The following RAP1GDS1 variants were observed in gnomAD, a reference collection of about 807,000 sequenced individuals.
RAP1GDS1 encodes Rap1 GTPase-GDP dissociation stimulator 1, also known as RAP1, GTP-GDP dissociation stimulator 1.
RAP1GDS1 carries 35 observed loss-of-function variants against 71.1 expected under a neutral mutation model. The ratio of observed to expected loss-of-function variants is 0.49; its 90% CI spans 0.38 to 0.65. RAP1GDS1 has a LOEUF of 0.65. Ranked by LOEUF, RAP1GDS1 falls within the 30% of genes least tolerant of loss-of-function variation. RAP1GDS1 has a pLI of 0.00. For synonymous variants in RAP1GDS1, 229 were observed against 243.1 expected (o/e 0.94, Z 0.54); for missense variants, 663 against 706.1 (o/e 0.94, Z 0.69).
intron 7 of RAP1GDS1, among the ~76,000 whole-genome samples, chr4:98,415,501 T>C (rs75319858): frequency 0.14 from 22,069 of 152,210 alleles, 2,349 homozygotes; most frequent in African/African-American, 0.3. Context: ...TCTGCCACGG[T>C]GCCAGCCAGT....
At chr4:98,344,655 G>T (rs1299320386) in intron 3 of RAP1GDS1, among the ~76,000 whole-genome samples, 1 of 152,128 alleles carries the variant, frequency 6.6e-6, no homozygotes, top group African/African-American at 2.4e-5. Context: ...AGACATAATA[G>T]AATTTTTAAT....
intron 12 of RAP1GDS1, among the ~76,000 whole-genome samples, chr4:98,428,585 T>C (rs933592657): frequency 6.6e-6 from 1 of 152,078 alleles, no homozygotes; most frequent in Admixed American, 6.5e-5. Context: ...GGCCAACTTA[T>C]GAAAAAATGC....
At chr4:98,343,821 A>G (rs1344622284) in intron 3 of RAP1GDS1, among the ~76,000 whole-genome samples, 4 of 152,220 alleles carry the variant, frequency 2.6e-5, no homozygotes, top group African/African-American at 7.2e-5. Context: ...GATTCTTTGG[A>G]TGAATTATAT....
In RAP1GDS1 at chr4:98,404,697, C is replaced by T. The variant is rs1169116800; in HGVS notation, c.763+95C>T. ...AATTGCCAGCCATTTGACTCAAAAC[C>T]ATTCTTTATTAGTGATATGTTTTAT... On this transcript the variant is annotated intron_variant, in intron 7 of 14. Coordinates refer to ENST00000408927, the MANE Select transcript of RAP1GDS1 (RefSeq NM_001100427.2). The T allele has an allele frequency of 5.7e-6, 8 of 1,399,294 alleles. No homozygotes were observed. In the East Asian group the frequency reaches 1.7e-4, roughly 30 times the overall value. The allele number at this position is 1,399,294 out of a possible 1,614,324, so 86.7% of individuals were successfully genotyped here.
At position 98,282,766 on chromosome 4, in the gene RAP1GDS1, C is replaced by T. The variant is rs562513453; in HGVS notation, c.5-10642C>T. On this transcript the variant is annotated intron_variant, in intron 1 of 14. Coordinates refer to ENST00000408927, the MANE Select transcript of RAP1GDS1 (RefSeq NM_001100427.2). ...TCCCTTGTGGGCATTTAGTGCTATA[C>T]ATTTCCCTCTACACACTGCTTTAAA... 2.0e-5 allele frequency among the ~76,000 whole-genome samples: 3 copies of T among 152,120 alleles called. No homozygotes were observed. The East Asian group carries it at 5.8e-4, about 29-fold the overall frequency.
chr4:98,361,729 T>C (rs571235729), intron 4 of RAP1GDS1, among the ~76,000 whole-genome samples: 4 of 152,266 alleles, frequency 2.6e-5, no homozygotes, highest in South Asian at 2.1e-4. Context: ...AAATGAAAGA[T>C]TTAATTCATT....
Position 98,391,946 on chromosome 4 carries a change from T to C in RAP1GDS1, c.509-6T>C. 1 of 1,576,788 alleles carries C rather than the reference T, an allele frequency of 6.3e-7. No individual in the cohort carries two copies. The highest frequency in any genetic ancestry group is 1.2e-5 in the South Asian group (1 of 82,678). On this transcript the variant is annotated splice_region_variant and splice_polypyrimidine_tract_variant and intron_variant, in intron 5 of 14. Transcript: ENST00000408927. The stretch of plus-strand genomic sequence containing the variant: ...TTCTGTTGTTGTTTTTTTTTTGTTT[T>C]TACAGATTCGCTTCAAGCTCAGCTT...
chr4:98,391,059 G>C (rs1325817989), intron 5 of RAP1GDS1, among the ~76,000 whole-genome samples: 2 of 152,084 alleles, frequency 1.3e-5, no homozygotes, highest in Non-Finnish European at 2.9e-5. Context: ...ATAGTGTTTT[G>C]CATAAACATA....
chr4:98,303,457 T>C (rs1194488576), intron 2 of RAP1GDS1, among the ~76,000 whole-genome samples: 3 of 151,636 alleles, frequency 2.0e-5, no homozygotes, highest in Non-Finnish European at 2.9e-5. Context: ...TTAAATCTTA[T>C]TTTAAAAATT....
At chr4:98,372,622 T>C (rs974487272) in intron 4 of RAP1GDS1, among the ~76,000 whole-genome samples, 2 of 152,230 alleles carry the variant, frequency 1.3e-5, no homozygotes, top group Non-Finnish European at 2.9e-5. Context: ...CCCTTAAATC[T>C]TTTATGCTTC....
chr4:98,346,919 A>G (rs1378864144), intron 3 of RAP1GDS1, among the ~76,000 whole-genome samples: 2 of 152,218 alleles, frequency 1.3e-5, no homozygotes, highest in East Asian at 3.8e-4. Flanking sequence ...ACCCACATAT[A>G]AAAGTCACTC....
At chr4:98,433,422 G>A (rs1332453827) in intron 12 of RAP1GDS1, among the ~76,000 whole-genome samples, 1 of 152,032 alleles carries the variant, frequency 6.6e-6, no homozygotes, top group East Asian at 1.9e-4. Context: ...AGCACCCTGA[G>A]TAGCTGGGAC....
In RAP1GDS1 at chr4:98,261,505, G is replaced by A. The variant is rs1721958383; in HGVS notation, c.-61G>A. 20 of 1,560,790 alleles carry A rather than the reference G, an allele frequency of 1.3e-5. No individual in the cohort carries two copies. The Middle Eastern group carries it at 1.4e-3, about 106-fold the overall frequency. ...GGAGGTAGAGGGAGGACACAGAGCC[G>A]CGCCGCCCGCACCACAGACCTTCGC... On this transcript the variant is annotated 5_prime_UTR_variant, in exon 1 of 15. Transcript: ENST00000408927.
At chr4:98,327,275 A>G (rs1733263809) in intron 2 of RAP1GDS1, among the ~76,000 whole-genome samples, 1 of 152,208 alleles carries the variant, frequency 6.6e-6, no homozygotes, top group Admixed American at 6.5e-5. Context: ...GCCATGATAA[A>G]CTATGCATGT....
At position 98,389,301 on chromosome 4, in the gene RAP1GDS1, G is replaced by GT. The variant is rs202009207; in HGVS notation, c.509-2641dup. Among the ~76,000 whole-genome samples the GT allele has an allele frequency of 3.6e-3, 499 of 140,444 alleles. 7 individuals are homozygous for GT. In the South Asian group the frequency reaches 0.053, roughly 15 times the overall value. 92.1% of individuals were successfully genotyped at this position (140,444 alleles called of 152,430 possible). On this transcript the variant is annotated intron_variant, in intron 5 of 14. Coordinates refer to ENST00000408927, the MANE Select transcript of RAP1GDS1 (RefSeq NM_001100427.2). The stretch of plus-strand genomic sequence containing the variant: ...TATCAACCTGTTTCTGTAAAAGTGT[G>GT]TTTTTTTTTTCTCTCTCTCTCCTCC...
intron 6 of RAP1GDS1, among the ~76,000 whole-genome samples, chr4:98,399,263 A>G (rs1236865799): frequency 1.3e-5 from 2 of 152,232 alleles, no homozygotes; most frequent in Non-Finnish European, 2.9e-5. Flanking sequence ...AGAAAACAAC[A>G]GAGTGAAAAG....
intron 1 of RAP1GDS1, among the ~76,000 whole-genome samples, chr4:98,292,533 C>T (rs1428158327): frequency 6.6e-6 from 1 of 150,806 alleles, no homozygotes; most frequent in Non-Finnish European, 1.5e-5. Flanking sequence ...ACTGTATGTT[C>T]TGCAGATGTA....
At chr4:98,427,479 C>T (rs1035836289) in intron 12 of RAP1GDS1, among the ~76,000 whole-genome samples, 1 of 152,078 alleles carries the variant, frequency 6.6e-6, no homozygotes, top group Non-Finnish European at 1.5e-5. Flanking sequence ...AAGACTCCTC[C>T]AAAAAGCTCC....
chr4:98,310,743 T>G (rs764947037), intron 2 of RAP1GDS1, among the ~76,000 whole-genome samples: 1 of 152,094 alleles, frequency 6.6e-6, no homozygotes, highest in Non-Finnish European at 1.5e-5. Context: ...AAGCCACATA[T>G]GGTTATTGAG....
Sources: gnomAD v4.1 joint callset for allele counts (sites outside exome capture counted in the v4.1 genomes callset) on GRCh38, gnomAD v4.1.1 for gene constraint, MANE v1.5 for transcripts, NCBI Gene and HGNC (gene_info 2026-07-23, HGNC 2026-07-21) for gene names.